Variants in ALDH6A1 observed in about 807,000 individuals in gnomAD.
ALDH6A1 encodes methylmalonate-semialdehyde/malonate-semialdehyde dehydrogenase [acylating], mitochondrial.
In ALDH6A1, 43 loss-of-function variants were observed where a neutral mutation model predicts 62.6. The observed-to-expected ratio is 0.69, with a 90% CI of 0.54 to 0.89. The LOEUF (loss-of-function observed/expected upper bound fraction) is 0.89, where lower values mean the gene tolerates loss of function less well. Ranked by LOEUF, ALDH6A1 falls within the 40% of genes least tolerant of loss-of-function variation. The pLI, the probability that ALDH6A1 is intolerant of heterozygous loss-of-function variation, is 0.00. For synonymous variants in ALDH6A1, 194 were observed against 234.2 expected (o/e 0.83, Z 1.57); for missense variants, 551 against 661.3 (o/e 0.83, Z 1.83).
Position 74,058,596 on chromosome 14 carries a change from C to T in ALDH6A1, c.*2046G>A, listed in dbSNP as rs1595098191. 6.8e-6 allele frequency: 1 copy of T among 146,084 alleles called. No individual in the cohort carries two copies. Among genetic ancestry groups the T allele is most frequent in the East Asian group, 2.0e-4 (1 of 5,028 alleles). The allele number at this position is 146,084 out of a possible 1,614,324, so 9.0% of individuals were successfully genotyped here. A position where few individuals can be genotyped will look rare whatever the true frequency, so the allele number is the denominator to read the frequency against. On this transcript the variant is annotated 3_prime_UTR_variant, in exon 12 of 12. Transcript: ENST00000553458. ...ACAGGGTACACAACATTTTCAAGGT[C>T]TTTTTTTTTTTTATCATACTTAATT...
chr14:74,058,597 T>G lies in ALDH6A1; in HGVS notation c.*2045A>C, dbSNP rs2060271506. 1.3e-5 allele frequency: 1 copy of G among 77,832 alleles called. No individual in the cohort carries two copies. The highest frequency in any genetic ancestry group is 6.4e-5 in the African/African-American group (1 of 15,664). The allele number at this position is 77,832 out of a possible 1,614,324, so 4.8% of individuals were successfully genotyped here. A position where few individuals can be genotyped will look rare whatever the true frequency, so the allele number is the denominator to read the frequency against. On this transcript the variant is annotated 3_prime_UTR_variant, in exon 12 of 12. Coordinates refer to ENST00000553458, the MANE Select transcript of ALDH6A1 (RefSeq NM_005589.4). ...CAGGGTACACAACATTTTCAAGGTC[T>G]TTTTTTTTTTTATCATACTTAATTC...
At position 74,084,194 on chromosome 14, in the gene ALDH6A1, C is replaced by T. The variant is rs563411928; in HGVS notation, c.48+153G>A. 2.0e-5 allele frequency among the ~76,000 whole-genome samples: 3 copies of T among 152,236 alleles called. No individual in the cohort carries two copies. The South Asian group carries it at 6.2e-4, about 32-fold the overall frequency. Reference sequence around the variant, plus strand: ...GACCAGGGAGGTTATGAAGTGAGGGCTGGGCATGGGACAGGGCCGCACAGG... The same window carrying T: ...GACCAGGGAGGTTATGAAGTGAGGGTTGGGCATGGGACAGGGCCGCACAGG... On this transcript the variant is annotated intron_variant, in intron 1 of 11. Transcript: ENST00000553458.
At chr14:74,061,939 G>A (rs549331552) in intron 11 of ALDH6A1, among the ~76,000 whole-genome samples, 5 of 151,874 alleles carry the variant, frequency 3.3e-5, no homozygotes, top group Admixed American at 3.3e-4. Context: ...GCCAGGAGCG[G>A]TGGCTCACAC....
chr14:74,065,032 C>G lies in ALDH6A1; in HGVS notation c.1405-112G>C. On this transcript the variant is annotated intron_variant, in intron 10 of 11. Transcript: ENST00000553458. ...TACCCACCTTCTACCCTATCCTCTA[C>G]CCCATGAACTTTCATTCCTGAGGAA... 3 of 1,370,050 alleles carry G rather than the reference C, an allele frequency of 2.2e-6. No homozygotes were observed. The South Asian group carries it at 3.6e-5, about 17-fold the overall frequency. The allele number at this position is 1,370,050 out of a possible 1,614,324, so 84.9% of individuals were successfully genotyped here. A position where few individuals can be genotyped will look rare whatever the true frequency, so the allele number is the denominator to read the frequency against.
intron 9 of ALDH6A1, 122 bp downstream of exon 9, chr14:74,066,583 C>T: frequency 9.7e-7 from 1 of 1,032,890 alleles, no homozygotes; most frequent in Middle Eastern, 3.0e-4. Context: ...AATAATTGAT[C>T]AATCCTGGCA....
At chr14:74,069,277 T>C in intron 6 of ALDH6A1, 1 of 356,602 alleles carries the variant, frequency 2.8e-6, no homozygotes, top group Non-Finnish European at 5.4e-6. Context: ...CTAATTTTTG[T>C]ATTTTTAGTA....
At chr14:74,065,033 C>G in intron 10 of ALDH6A1, 113 bp from the exon 11 acceptor site, 1 of 1,372,466 alleles carries the variant, frequency 7.3e-7, no homozygotes, top group Non-Finnish European at 1.0e-6. Flanking sequence ...TATCCTCTAC[C>G]CCATGAACTT....
intron 6 of ALDH6A1, among the ~76,000 whole-genome samples, chr14:74,069,439 C>G (rs2060518632): frequency 6.6e-6 from 1 of 151,814 alleles, no homozygotes; most frequent in Non-Finnish European, 1.5e-5. Flanking sequence ...GTGAAGTTCT[C>G]TCCTTGTTTC....
chr14:74,068,752 G>T (rs1351423762), intron 7 of ALDH6A1, 108 bp downstream of exon 7: 4 of 1,349,260 alleles, frequency 3.0e-6, no homozygotes, highest in Non-Finnish European at 3.1e-6. Flanking sequence ...AAAAAAGAAA[G>T]AAACACTGAC....
chr14:74,068,747 A>G, intron 7 of ALDH6A1, 113 bp downstream of exon 7: 1 of 1,317,454 alleles, frequency 7.6e-7, no homozygotes, highest in South Asian at 1.2e-5. Flanking sequence ...CTCAAAAAAA[A>G]GAAAGAAACA....
At chr14:74,071,615 A>G (rs1272996517) in intron 5 of ALDH6A1, 118 bp from the exon 6 acceptor site, 9 of 1,583,052 alleles carry the variant, frequency 5.7e-6, no homozygotes, top group Non-Finnish European at 7.7e-6. Context: ...TGCAGGGTAC[A>G]CTGACTTGCC....
At chr14:74,079,357 C>T (rs1000222607) in intron 1 of ALDH6A1, among the ~76,000 whole-genome samples, 3 of 152,052 alleles carry the variant, frequency 2.0e-5, no homozygotes, top group African/African-American at 7.3e-5. Context: ...GGCGATTCTC[C>T]TGCCTCAGCC....
chr14:74,061,249 A>G (rs2060333963), intron 11 of ALDH6A1, among the ~76,000 whole-genome samples: 1 of 152,020 alleles, frequency 6.6e-6, no homozygotes, highest in South Asian at 2.1e-4. Context: ...AAGTGCTGGA[A>G]TTACAAGTGT....
At chr14:74,063,081 C>T (rs528520393) in intron 11 of ALDH6A1, among the ~76,000 whole-genome samples, 1 of 152,314 alleles carries the variant, frequency 6.6e-6, no homozygotes, top group East Asian at 1.9e-4. Flanking sequence ...CTTTTCTTCT[C>T]ATTTGCTCAC....
chr14:74,070,232 C>A (rs780145108), intron 6 of ALDH6A1, among the ~76,000 whole-genome samples: 90 of 151,978 alleles, frequency 5.9e-4, no homozygotes, highest in Non-Finnish European at 8.8e-4. Flanking sequence ...TTAAGAATAA[C>A]AATAGGCAAG....
chr14:74,069,082 T>C, intron 6 of ALDH6A1, 101 bp from the exon 7 acceptor site: 2 of 1,240,830 alleles, frequency 1.6e-6, no homozygotes. Context: ...AGTTTTCCTG[T>C]GTTTTTCTTT....
rs747147269 is a variant in ALDH6A1 at position 74,067,520 on chromosome 14, G to T, written c.902C>A (p.Thr301Asn). The change falls in exon 8 of 12, where the codon ACC (threonine) becomes AAC (asparagine). Residue 301 changes from threonine to asparagine, a missense_variant. Transcript: ENST00000553458. The stretch of plus-strand genomic sequence containing the variant: ...TGCTGCCCCAACCAGCTGGTTCAGG[G>T]TATTTTCCTTATTGGCATCTGGCAT... ...VVMPDANKEN[T>N]LNQLVGAAFG... 6.2e-7 allele frequency: 1 copy of T among 1,614,128 alleles called. No individual in the cohort carries two copies. Among genetic ancestry groups the T allele is most frequent in the South Asian group, 1.1e-5 (1 of 91,086 alleles).
chr14:74,059,998 G>T lies in ALDH6A1; in HGVS notation c.*644C>A, dbSNP rs2060304298. 1.3e-5 allele frequency: 2 copies of T among 154,420 alleles called. No homozygotes were observed. The highest frequency in any genetic ancestry group is 1.3e-4 in the Admixed American group (2 of 15,670). The allele number at this position is 154,420 out of a possible 1,614,324, so 9.6% of individuals were successfully genotyped here. A position where few individuals can be genotyped will look rare whatever the true frequency, so the allele number is the denominator to read the frequency against. ...ATCTTGTGTATTGTGGGATAAAAGA[G>T]GGGCTAAAGAAAACTTTGCAGGAGG... is the stretch of plus-strand genomic sequence containing the variant. On this transcript the variant is annotated 3_prime_UTR_variant, in exon 12 of 12. Coordinates refer to ENST00000553458, the MANE Select transcript of ALDH6A1 (RefSeq NM_005589.4).
intron 1 of ALDH6A1, among the ~76,000 whole-genome samples, chr14:74,081,863 T>G (rs1340069229): frequency 6.6e-6 from 1 of 152,216 alleles, no homozygotes; most frequent in Admixed American, 6.6e-5. Context: ...CATCAGTTAC[T>G]AGTTCGGTAA....
Sources: gnomAD v4.1 joint callset for allele counts (sites outside exome capture counted in the v4.1 genomes callset) on GRCh38, gnomAD v4.1.1 for gene constraint, MANE v1.5 for transcripts, NCBI Gene and HGNC (gene_info 2026-07-23, HGNC 2026-07-21) for gene names.